The following LRCH3 variants were observed in gnomAD, a reference collection of about 807,000 sequenced individuals.
LRCH3 encodes DISP complex protein LRCH3.
LRCH3 carries 68 observed loss-of-function variants against 104.5 expected under a neutral mutation model. The ratio of observed to expected loss-of-function variants is 0.65; its 90% confidence interval spans 0.54 to 0.80. The LOEUF (loss-of-function observed/expected upper bound fraction) is 0.80, where lower values mean the gene tolerates loss of function less well. Among genes scored for constraint, LRCH3 ranks in the 30% least tolerant of loss-of-function variants. The pLI is 0.00. For missense variants in LRCH3, 951 were observed against 953.9 expected (o/e 1.00, Z 0.04); for synonymous variants, 344 against 361.3 (o/e 0.95, Z 0.54).
At chr3:197,806,822 G>T (rs1580569495) in intron 1 of LRCH3, among the ~76,000 whole-genome samples, 1 of 151,284 alleles carries the variant, frequency 6.6e-6, no homozygotes, top group South Asian at 2.1e-4. Context: ...AAAGTGCTGG[G>T]ATTACAGGTG....
intron 18 of LRCH3, among the ~76,000 whole-genome samples, 184 bp from the exon 19 acceptor site, chr3:197,871,141 C>A (rs946447603): frequency 3.3e-5 from 5 of 151,866 alleles, no homozygotes; most frequent in Non-Finnish European, 7.4e-5. Context: ...ACCACTATGC[C>A]CTGGCTGCCG....
At position 197,829,564 on chromosome 3, in the gene LRCH3, A is replaced by G. The variant is rs772389007; in HGVS notation, c.778A>G (p.Ile260Val). Residue 260 changes from isoleucine to valine, a missense_variant and splice_region_variant, in exon 6 of 21, where the codon ATA becomes GTA. By Grantham distance (29) the Ile-to-Val change is conservative. Transcript: ENST00000425562. ...GCTACATCTGTGTGACTTTATTTAGATATGTATAAAAGGCAAAGTCCACAT... is the reference window on the plus strand; with the variant it reads ...GCTACATCTGTGTGACTTTATTTAGGTATGTATAAAAGGCAAAGTCCACAT... ...NNPLQSPPAQ[I>V]CIKGKVHIFK... is the part of the protein sequence containing the mutation. 3 of 1,599,046 alleles carry G rather than the reference A, an allele frequency of 1.9e-6. No individual in the cohort carries two copies. The East Asian group carries it at 6.7e-5, about 36-fold the overall frequency.
chr3:197,817,197 G>GC lies in LRCH3; in HGVS notation c.431dup (p.Val145GlyfsTer5). The GC allele has an allele frequency of 6.2e-7, 1 of 1,601,540 alleles. No individual in the cohort carries two copies. Among genetic ancestry groups the GC allele is most frequent in the South Asian group, 1.1e-5 (1 of 89,340 alleles). On this transcript the variant is annotated frameshift_variant, in exon 3 of 21. Transcript: ENST00000425562. LOFTEE classifies it high-confidence loss of function. ...TTAGTCGGAACCAACTGTCAACATTGCCGGTACACTTGTGTAATTTGCCAT... is the reference window on the plus strand; with the variant it reads ...TTAGTCGGAACCAACTGTCAACATTGCCCGGTACACTTGTGTAATTTGCCAT...
At position 197,791,506 on chromosome 3, in the gene LRCH3, G is replaced by T; in HGVS notation, c.228G>T (p.Ala76=). ...GRKLREFPRG[A]ANHDLTDTTR... ...AACTGAGGGAGTTTCCCCGGGGAGCGGCCAACCACGACCTGACGGACACCA... is the reference window on the plus strand; with the variant it reads ...AACTGAGGGAGTTTCCCCGGGGAGCTGCCAACCACGACCTGACGGACACCA... Residue 76 remains alanine, a synonymous_variant, in exon 1 of 21, where the codon GCG becomes GCT. Coordinates refer to ENST00000425562, the MANE Select transcript of LRCH3 (RefSeq NM_001365715.1). 5 of 1,598,956 alleles carry T rather than the reference G, an allele frequency of 3.1e-6. No individual in the cohort carries two copies. Among genetic ancestry groups the T allele is most frequent in the Non-Finnish European group, 2.6e-6 (3 of 1,174,618 alleles).
intron 10 of LRCH3, among the ~76,000 whole-genome samples, chr3:197,842,788 AAAT>A (rs1232121470): frequency 6.6e-6 from 1 of 152,048 alleles, no homozygotes; most frequent in African/African-American, 2.4e-5. Context: ...AAAATTGTTA[AAAT>A]AATTTTTTAT....
intron 20 of LRCH3, chr3:197,882,793 T>A (rs1424480157): frequency 9.1e-6 from 9 of 985,410 alleles, no homozygotes; most frequent in Non-Finnish European, 1.1e-5. Flanking sequence ...ACTTCTCACA[T>A]GTTGGTAATC....
intron 1 of LRCH3, among the ~76,000 whole-genome samples, chr3:197,795,679 A>AGTT (rs1553912635): frequency 1.1e-4 from 15 of 132,216 alleles, no homozygotes; most frequent in African/African-American, 3.7e-4. Context: ...TGAGTAAAAA[A>AGTT]GTTGTTGTTT....
chr3:197,816,747 T>A (rs1294023588), intron 2 of LRCH3, among the ~76,000 whole-genome samples: 1 of 152,230 alleles, frequency 6.6e-6, no homozygotes, highest in Non-Finnish European at 1.5e-5. Context: ...ATTATAATAT[T>A]GTAATGATGA....
At chr3:197,792,575 TTTTATATA>T (rs1379796331) in intron 1 of LRCH3, among the ~76,000 whole-genome samples, 512 of 18,604 alleles carry the variant, frequency 0.028, 29 homozygotes, top group African/African-American at 0.054. Context: ...GCCCAGCTAA[TTTTATATA>T]TATATATATA....
intron 4 of LRCH3, among the ~76,000 whole-genome samples, chr3:197,820,996 A>AT (rs11418038): frequency 0.74 from 112,881 of 152,044 alleles, 44,060 homozygotes; most frequent in East Asian, 0.94. Context: ...TTGACCTTTG[A>AT]TTTTATTTTT....
chr3:197,829,398 AAC>A (rs1444320155), intron 5 of LRCH3, among the ~76,000 whole-genome samples, 164 bp from the exon 6 acceptor site: 3 of 152,218 alleles, frequency 2.0e-5, no homozygotes, highest in African/African-American at 7.2e-5. Flanking sequence ...CACCTAAAAT[AAC>A]ACTTAACCAA....
At chr3:197,880,714 G>GA in intron 20 of LRCH3, 1 of 1,536,730 alleles carries the variant, frequency 6.5e-7, no homozygotes, top group Non-Finnish European at 8.7e-7. Flanking sequence ...CCCGCTCGCT[G>GA]AAAGATTGCA....
In LRCH3 at chr3:197,830,798, T is replaced by C; in HGVS notation, c.916T>C (p.Tyr306His). ...CHEELYSSRP[Y>H]GALDSGFNSV... is the part of the protein sequence containing the mutation. ...TGAAGAACTGTACTCAAGTCGCCCTTATGGAGCCCTTGATTCAGGCTTCAA... is the reference window on the plus strand; with the variant it reads ...TGAAGAACTGTACTCAAGTCGCCCTCATGGAGCCCTTGATTCAGGCTTCAA... Residue 306 changes from tyrosine to histidine, a missense_variant, in exon 7 of 21, where the codon TAT becomes CAT. By Grantham distance (83) the Tyr-to-His change is moderately conservative (BLOSUM62 2). Coordinates refer to ENST00000425562, the MANE Select transcript of LRCH3 (RefSeq NM_001365715.1). The C allele has an allele frequency of 6.2e-7, 1 of 1,614,074 alleles. No homozygotes were observed. Among genetic ancestry groups the C allele is most frequent in the Non-Finnish European group, 8.5e-7 (1 of 1,179,948 alleles).
chr3:197,803,008 G>A (rs1418384860), intron 1 of LRCH3, among the ~76,000 whole-genome samples: 2 of 152,144 alleles, frequency 1.3e-5, no homozygotes, highest in Admixed American at 6.5e-5. Context: ...TTTAAAATTG[G>A]TGTCATAGAG....
chr3:197,815,195 A>G (rs1400627255), intron 2 of LRCH3, 143 bp downstream of exon 2: 3 of 487,172 alleles, frequency 6.2e-6, no homozygotes, highest in Non-Finnish European at 1.1e-5. Context: ...TATTAACAGT[A>G]TTTCCTATGT....
chr3:197,816,107 C>G (rs535784257), intron 2 of LRCH3, among the ~76,000 whole-genome samples: 75 of 152,192 alleles, frequency 4.9e-4, no homozygotes, highest in African/African-American at 1.7e-3. Flanking sequence ...TTACTTTTCT[C>G]TTTCCTTAAG....
rs1446505476 is a variant in LRCH3 at position 197,825,444 on chromosome 3, C to G, written c.641-1434C>G. On this transcript the variant is annotated intron_variant, in intron 4 of 20. Coordinates refer to ENST00000425562, the MANE Select transcript of LRCH3 (RefSeq NM_001365715.1). ...TATTTTGAATTGGATGTTATTAGACCTCTTTGTTGATCCTCTTTGATTTTT... is the reference window on the plus strand; with the variant it reads ...TATTTTGAATTGGATGTTATTAGACGTCTTTGTTGATCCTCTTTGATTTTT... Among the ~76,000 whole-genome samples, 5 of 132,762 alleles carry G rather than the reference C, an allele frequency of 3.8e-5. No individual in the cohort carries two copies. The East Asian group carries it at 1.1e-3, about 28-fold the overall frequency. The allele number at this position is 132,762 out of a possible 152,430, so 87.1% of individuals were successfully genotyped here. A position where few individuals can be genotyped will look rare whatever the true frequency, so the allele number is the denominator to read the frequency against.
rs375504699 is a variant in LRCH3 at position 197,845,171 on chromosome 3, G to A, written c.1329-2238G>A. Among the ~76,000 whole-genome samples the A allele has an allele frequency of 2.7e-4, 41 of 152,242 alleles. 1 individual carries two copies. In the East Asian group the frequency reaches 3.9e-3, roughly 14 times the overall value. On this transcript the variant is annotated intron_variant, in intron 10 of 20. Coordinates refer to ENST00000425562, the MANE Select transcript of LRCH3 (RefSeq NM_001365715.1). ...TACTTGTAATCCCAGCACTTTGAGA[G>A]GCTAAGGTGGGTGGTTTGCTTGAGC...
rs576048755 is a variant in LRCH3 at position 197,849,578 on chromosome 3, G to A, written c.1530+1557G>A. Among the ~76,000 whole-genome samples, 6 of 151,992 alleles carry A rather than the reference G, an allele frequency of 3.9e-5. No homozygotes were observed. The East Asian group carries it at 9.7e-4, about 24-fold the overall frequency. On this transcript the variant is annotated intron_variant, in intron 12 of 20. Coordinates refer to ENST00000425562, the MANE Select transcript of LRCH3 (RefSeq NM_001365715.1). ...TTTCCCTTAAGTCCCTGCTTGATTT[G>A]TTACTACATACAAACTTTTTTATAT...
Sources: allele counts gnomAD v4.1 joint callset (sites outside exome capture counted in the v4.1 genomes callset), GRCh38; gene constraint gnomAD v4.1.1; transcripts MANE v1.5; gene names NCBI Gene and HGNC (gene_info 2026-07-23, HGNC 2026-07-21).